AQP11: variants seen among roughly 807,000 people sequenced by gnomAD.
AQP11 encodes the protein aquaporin-11.
AQP11 carries 20 observed loss-of-function variants against 21.1 expected under a neutral mutation model. The ratio of observed to expected loss-of-function variants is 0.95; its 90% CI spans 0.67 to 1.38. The LOEUF (loss-of-function observed/expected upper bound fraction) is 1.38. Ranked by LOEUF, AQP11 falls within the 40% of genes most tolerant of loss-of-function variation. The probability of loss-of-function intolerance (pLI) is 0.00; values close to 1 mark genes in which losing one functional copy is unlikely to be tolerated. For missense variants in AQP11, 339 were observed against 340.4 expected (o/e 1.00, Z 0.03); for synonymous variants, 167 against 150.1 (o/e 1.11, Z -0.82).
chr11:77,590,225 C>T lies in AQP11; in HGVS notation c.233C>T (p.Thr78Met). Reference sequence around the variant, plus strand: ...CAGCACCCCGCGCACCCCACCTGGACGCTGACGCTCGTCTACTTCTTCTCG... The same window carrying T: ...CAGCACCCCGCGCACCCCACCTGGATGCTGACGCTCGTCTACTTCTTCTCG... ...SEQHPAHPTW[T>M]LTLVYFFSLV... The change falls in exon 1 of 3, where the codon ACG becomes ATG. Residue 78 changes from threonine to methionine, a missense_variant. Thr to Met is a moderately conservative substitution (Grantham distance 81). Coordinates refer to ENST00000313578, the MANE Select transcript of AQP11 (RefSeq NM_173039.3). 6.3e-7 allele frequency: 1 copy of T among 1,593,784 alleles called. No individual in the cohort carries two copies. Among genetic ancestry groups the T allele is most frequent in the East Asian group, 2.2e-5 (1 of 44,720 alleles).
chr11:77,599,449 T>TGG (rs1479300643), intron 1 of AQP11, among the ~76,000 whole-genome samples: 1 of 82,378 alleles, frequency 1.2e-5, no homozygotes, highest in Non-Finnish European at 2.3e-5. Flanking sequence ...GCCCCACACC[T>TGG]GGCTACTTTT....
At chr11:77,600,731 G>A (rs1958810486) in intron 1 of AQP11, among the ~76,000 whole-genome samples, 1 of 152,188 alleles carries the variant, frequency 6.6e-6, no homozygotes, top group Non-Finnish European at 1.5e-5. Flanking sequence ...AATCTTGTAG[G>A]GCCGGGTGCG....
In AQP11 at chr11:77,602,295, T is replaced by C. The variant is rs746290863; in HGVS notation, c.620-1261T>C. Among the ~76,000 whole-genome samples, 67 of 152,346 alleles carry C rather than the reference T, an allele frequency of 4.4e-4. 1 individual carries two copies. Among genetic ancestry groups the C allele is most frequent in the Non-Finnish European group, 9.0e-4 (61 of 68,036 alleles). ...ACATGCCTAAAAGTCACAGGTCATT[T>C]ATATCATCATAGGTCATATTACATT... On this transcript the variant is annotated intron_variant, in intron 1 of 2. Transcript: ENST00000313578.
intron 1 of AQP11, among the ~76,000 whole-genome samples, chr11:77,600,235 C>T (rs1032546731): frequency 1.3e-5 from 2 of 151,752 alleles, no homozygotes; most frequent in African/African-American, 4.8e-5. Flanking sequence ...TCCTAAAGTG[C>T]TGGGATTACA....
intron 1 of AQP11, among the ~76,000 whole-genome samples, chr11:77,602,226 AAG>A: frequency 6.6e-6 from 1 of 152,310 alleles, no homozygotes; most frequent in African/African-American, 2.4e-5. Context: ...TTGAATACTG[AAG>A]TAAACTAAGT....
Position 77,603,647 on chromosome 11 carries a change from A to C in AQP11, c.711A>C (p.Ile237=), listed in dbSNP as rs779112979. The part of the protein sequence containing the change: ...CFDEAFPQFF[I]VYWLAPSLGI... ...ATGAAGCATTCCCTCAGTTTTTTAT[A>C]GTATACTGGCTGGCTCCTTCTTTAG... is the stretch of plus-strand genomic sequence containing the variant. The change falls in exon 2 of 3, where the codon ATA becomes ATC. Residue 237 remains isoleucine (I), a synonymous_variant. Transcript: ENST00000313578. 1 of 1,606,814 alleles carries C rather than the reference A, an allele frequency of 6.2e-7. No homozygotes were observed. Among genetic ancestry groups the C allele is most frequent in the Non-Finnish European group, 8.5e-7 (1 of 1,177,262 alleles).
In AQP11 at chr11:77,590,237, TC is replaced by T. The variant is rs1263596952; in HGVS notation, c.246del (p.Tyr83ThrfsTer9). On this transcript the variant is annotated frameshift_variant, in exon 1 of 3. Coordinates refer to ENST00000313578, the MANE Select transcript of AQP11 (RefSeq NM_173039.3). LOFTEE classifies it high-confidence loss of function. ...CACCCCACCTGGACGCTGACGCTCG[TC>T]TACTTCTTCTCGCTTGTGCATGGCC... ...PAHPTWTLTLVYFFSLVHGLT... is the reference protein window; with the variant it reads ...PAHPTWTLTLXYFFSLVHGLT... 2 of 1,596,486 alleles carry T rather than the reference TC, an allele frequency of 1.3e-6. No homozygotes were observed. The highest frequency in any genetic ancestry group is 4.5e-5 in the East Asian group (2 of 44,702).
intron 1 of AQP11, chr11:77,591,159 A>C: frequency 1.0e-6 from 1 of 957,472 alleles, no homozygotes; most frequent in Non-Finnish European, 1.2e-6. Context: ...TATTTCCTTA[A>C]TAATTCATTT....
chr11:77,598,750 T>G (rs59969402), intron 1 of AQP11, among the ~76,000 whole-genome samples: 26,176 of 152,148 alleles, frequency 0.17, 2,812 homozygotes, highest in African/African-American at 0.28. Context: ...AGTCTTGCTC[T>G]GTCGCCCAGG....
At chr11:77,603,486 C>A in intron 1 of AQP11, 70 bp from the exon 2 acceptor site, 4 of 1,063,608 alleles carry the variant, frequency 3.8e-6, no homozygotes, top group South Asian at 3.6e-5. Flanking sequence ...ATTTAGTAAC[C>A]ATTTATTTCC....
chr11:77,601,612 G>A (rs144206560), intron 1 of AQP11, among the ~76,000 whole-genome samples: 118 of 152,212 alleles, frequency 7.8e-4, no homozygotes, highest in Middle Eastern at 6.8e-3. Context: ...AGCCTTCCAA[G>A]GTGTTAGGAT....
intron 1 of AQP11, among the ~76,000 whole-genome samples, chr11:77,592,037 A>T (rs1175453576): frequency 6.6e-6 from 1 of 152,202 alleles, no homozygotes; most frequent in Non-Finnish European, 1.5e-5. Flanking sequence ...AGGCCAAGGC[A>T]GGTGGATCGC....
At chr11:77,608,777 GAGATTA>G (rs1958860820) in intron 2 of AQP11, among the ~76,000 whole-genome samples, 1 of 152,192 alleles carries the variant, frequency 6.6e-6, no homozygotes, top group Admixed American at 6.5e-5. Flanking sequence ...GTTAATAGTT[GAGATTA>G]ATGAAAAAAG....
At chr11:77,595,063 C>T (rs762232084) in intron 1 of AQP11, among the ~76,000 whole-genome samples, 19 of 152,106 alleles carry the variant, frequency 1.2e-4, no homozygotes, top group Non-Finnish European at 2.5e-4. Context: ...ACACCTGGGC[C>T]GGGTGTGGTG....
intron 2 of AQP11, among the ~76,000 whole-genome samples, chr11:77,606,276 T>G (rs1958846008): frequency 6.6e-6 from 1 of 152,064 alleles, no homozygotes; most frequent in African/African-American, 2.4e-5. Context: ...TAGAACACAT[T>G]TTCCAGCCAA....
intron 2 of AQP11, among the ~76,000 whole-genome samples, chr11:77,607,528 A>G (rs931895787): frequency 6.6e-6 from 1 of 152,150 alleles, no homozygotes; most frequent in South Asian, 2.1e-4. Flanking sequence ...GTTTCTCATC[A>G]CAGCAGAGAT....
chr11:77,590,711 T>C, intron 1 of AQP11, 100 bp downstream of exon 1: 1 of 1,509,266 alleles, frequency 6.6e-7, no homozygotes. Context: ...TATCCCGCTA[T>C]GATGTAAATG....
chr11:77,592,306 G>C (rs1309628359), intron 1 of AQP11, among the ~76,000 whole-genome samples: 2 of 151,950 alleles, frequency 1.3e-5, no homozygotes, highest in Non-Finnish European at 2.9e-5. Context: ...AGAGTGACAA[G>C]TACAGGCATA....
chr11:77,590,183 T>C lies in AQP11; in HGVS notation c.191T>C (p.Leu64Pro). The change falls in exon 1 of 3, where the codon CTG becomes CCG. Residue 64 changes from leucine to proline, a missense_variant. Physicochemically the swap from Leu to Pro is moderately conservative, Grantham distance 98 (BLOSUM62 -3). Coordinates refer to ENST00000313578, the MANE Select transcript of AQP11 (RefSeq NM_173039.3). ...TFQLCCCTHELQLLSEQHPAH... is the reference protein window; with the variant it reads ...TFQLCCCTHEPQLLSEQHPAH... ...CAGCTCTGCTGCTGCACCCACGAGC[T>C]GCAACTGCTGAGCGAACAGCACCCC... 2.5e-6 allele frequency: 4 copies of C among 1,600,764 alleles called. No homozygotes were observed. Among genetic ancestry groups the C allele is most frequent in the Non-Finnish European group, 3.4e-6 (4 of 1,175,138 alleles).
Sources: gnomAD v4.1 joint callset for allele counts (sites outside exome capture counted in the v4.1 genomes callset) on GRCh38, gnomAD v4.1.1 for gene constraint, MANE v1.5 for transcripts, NCBI Gene and HGNC (gene_info 2026-07-23, HGNC 2026-07-21) for gene names.